MEI4: variants seen among roughly 807,000 people sequenced by gnomAD.
MEI4 encodes meiotic double-stranded break formation protein 4.
A neutral mutation model predicts 31.4 loss-of-function variants in MEI4; 27 were observed. The observed-to-expected ratio is 0.86, with a 90% CI of 0.63 to 1.19. The LOEUF (loss-of-function observed/expected upper bound fraction) is 1.19. Ranked by LOEUF, MEI4 falls within the 50% of genes most tolerant of loss-of-function variation. The pLI, the probability that MEI4 is intolerant of heterozygous loss-of-function variation, is 0.00. For synonymous variants in MEI4, 122 were observed against 145.4 expected (o/e 0.84, Z 1.16); for missense variants, 329 against 398.9 (o/e 0.82, Z 1.49).
chr6:77,917,907 C>G (rs1057113796), intron 4 of MEI4, among the ~76,000 whole-genome samples: 28 of 148,056 alleles, frequency 1.9e-4, no homozygotes, highest in East Asian at 1.0e-3. Context: ...TTAGGTCTAA[C>G]GTTTAAGTCT....
chr6:77,656,136 A>G (rs1768390250), intron 1 of MEI4, among the ~76,000 whole-genome samples: 2 of 152,134 alleles, frequency 1.3e-5, no homozygotes, highest in Non-Finnish European at 2.9e-5. Context: ...ATCCTCTTGT[A>G]TTTAACATGT....
chr6:77,918,957 T>C (rs1362508974), intron 4 of MEI4, among the ~76,000 whole-genome samples: 1 of 152,040 alleles, frequency 6.6e-6, no homozygotes, highest in Non-Finnish European at 1.5e-5. Context: ...ATACCTAATT[T>C]ATTGAGAGTT....
At chr6:77,699,344 T>A (rs553138296) in intron 2 of MEI4, among the ~76,000 whole-genome samples, 4 of 151,864 alleles carry the variant, frequency 2.6e-5, no homozygotes, top group African/African-American at 7.2e-5. Flanking sequence ...CGCCTGCCAC[T>A]ACGCCCGGCT....
At chr6:77,711,926 T>A (rs1323328798) in intron 2 of MEI4, among the ~76,000 whole-genome samples, 1 of 152,208 alleles carries the variant, frequency 6.6e-6, no homozygotes, top group Non-Finnish European at 1.5e-5. Context: ...GTACCATGAT[T>A]TCTATGGTGT....
intron 2 of MEI4, among the ~76,000 whole-genome samples, chr6:77,712,591 A>G (rs968918647): frequency 6.6e-6 from 1 of 152,222 alleles, no homozygotes; most frequent in African/African-American, 2.4e-5. Flanking sequence ...ATAGATACTA[A>G]TGAATGATCA....
At chr6:77,819,449 C>T (rs1364200433) in intron 3 of MEI4, among the ~76,000 whole-genome samples, 2 of 152,004 alleles carry the variant, frequency 1.3e-5, no homozygotes, top group East Asian at 1.9e-4. Flanking sequence ...GGACCAGAAA[C>T]CTAATGATAT....
chr6:77,759,105 C>T (rs575397777), intron 2 of MEI4, among the ~76,000 whole-genome samples: 1 of 152,214 alleles, frequency 6.6e-6, no homozygotes, highest in East Asian at 1.9e-4. Flanking sequence ...ATTAGCAATT[C>T]CAACAGACAT....
chr6:77,816,933 C>A (rs1769703202), intron 3 of MEI4, among the ~76,000 whole-genome samples: 1 of 152,072 alleles, frequency 6.6e-6, no homozygotes, highest in African/African-American at 2.4e-5. Flanking sequence ...TCTGTTAAGA[C>A]ATGTATCTGT....
At chr6:77,919,356 G>A (rs532991379) in intron 4 of MEI4, among the ~76,000 whole-genome samples, 2,319 of 151,920 alleles carry the variant, frequency 0.015, 37 homozygotes, top group Non-Finnish European at 0.022. Context: ...ACTCAAAACC[G>A]CTCAACTACA....
chr6:77,922,669 A>C (rs530755517), intron 4 of MEI4, among the ~76,000 whole-genome samples: 2 of 151,820 alleles, frequency 1.3e-5, no homozygotes, highest in African/African-American at 4.8e-5. Context: ...TATCACATCT[A>C]TTCCCCTATA....
At chr6:77,678,779 A>C (rs1768896390) in intron 1 of MEI4, among the ~76,000 whole-genome samples, 1 of 152,178 alleles carries the variant, frequency 6.6e-6, no homozygotes, top group African/African-American at 2.4e-5. Flanking sequence ...CACAATCTGC[A>C]AGAAGGCGTT....
chr6:77,800,681 A>G (rs111792823), intron 3 of MEI4, among the ~76,000 whole-genome samples: 9 of 152,140 alleles, frequency 5.9e-5, no homozygotes, highest in African/African-American at 1.7e-4. Context: ...TACCTAATTT[A>G]GTCAGAATTT....
At chr6:77,747,807 G>A (rs1463395544) in intron 2 of MEI4, among the ~76,000 whole-genome samples, 2 of 152,168 alleles carry the variant, frequency 1.3e-5, no homozygotes. Flanking sequence ...TCTGAGACAA[G>A]GCAAGTCCCT....
upstream of MEI4, among the ~76,000 whole-genome samples, chr6:77,652,245 G>T (rs1036757415): frequency 1.1e-4 from 16 of 152,142 alleles, no homozygotes; most frequent in Admixed American, 3.3e-4. Flanking sequence ...AATGGTTTGA[G>T]GAAAATTAGA....
chr6:77,887,231 G>T (rs115804733), intron 4 of MEI4, among the ~76,000 whole-genome samples: 1 of 147,912 alleles, frequency 6.8e-6, no homozygotes, highest in African/African-American at 2.5e-5. Context: ...GTCATTCATA[G>T]TCATTTTGTT....
chr6:77,665,214 A>ATGGAAATAAGGGGTCGGGG (rs1768603442), intron 1 of MEI4, among the ~76,000 whole-genome samples: 1 of 151,064 alleles, frequency 6.6e-6, no homozygotes, highest in South Asian at 2.1e-4. Context: ...AGGGGTCGGG[A>ATGGAAATAAGGGGTCGGGG]CATGGAAATA....
intron 3 of MEI4, among the ~76,000 whole-genome samples, chr6:77,813,074 G>GAA (rs1769611863): frequency 6.6e-6 from 1 of 151,898 alleles, no homozygotes; most frequent in African/African-American, 2.4e-5. Flanking sequence ...TATTTTGGTT[G>GAA]GATAAAAATC....
chr6:77,852,590 T>G (rs1770652511), intron 4 of MEI4, among the ~76,000 whole-genome samples: 1 of 151,020 alleles, frequency 6.6e-6, no homozygotes, highest in Non-Finnish European at 1.5e-5. Context: ...TGTTTGTTTT[T>G]TTTTTTTGTC....
chr6:77,899,573 C>T (rs184304045), intron 4 of MEI4, among the ~76,000 whole-genome samples: 1 of 152,136 alleles, frequency 6.6e-6, no homozygotes, highest in Admixed American at 6.6e-5. Flanking sequence ...TCAGGCAAAA[C>T]ACCTTGATGC....
Sources: allele counts gnomAD v4.1 joint callset (sites outside exome capture counted in the v4.1 genomes callset), GRCh38; gene constraint gnomAD v4.1.1; transcripts MANE v1.5; gene names NCBI Gene and HGNC (gene_info 2026-07-23, HGNC 2026-07-21).